TRHDE: variants seen among roughly 807,000 people sequenced by gnomAD.
TRHDE encodes the protein thyrotropin-releasing hormone-degrading ectoenzyme.
A neutral mutation model predicts 125.7 loss-of-function variants in TRHDE; 72 were observed. The observed-to-expected ratio is 0.57, with a 90% CI of 0.47 to 0.70. TRHDE has a LOEUF of 0.70. Among genes scored for constraint, TRHDE ranks in the 30% least tolerant of loss-of-function variants. TRHDE has a pLI of 0.00. For synonymous variants in TRHDE, 509 were observed against 509.1 expected, an observed-to-expected ratio of 1.00 and a Z score of 0.00; for missense variants, 1,110 against 1,327.1, an observed-to-expected ratio of 0.84 and a Z score of 2.54.
intron 2 of TRHDE, among the ~76,000 whole-genome samples, chr12:72,155,859 T>C (rs1592462336): frequency 6.6e-6 from 1 of 151,914 alleles, no homozygotes; most frequent in Non-Finnish European, 1.5e-5. Context: ...TTGAGGAGGG[T>C]CCCTTCTGTC....
intron 1 of TRHDE, among the ~76,000 whole-genome samples, chr12:72,088,944 T>C (rs751198741): frequency 6.6e-6 from 1 of 152,156 alleles, no homozygotes; most frequent in Non-Finnish European, 1.5e-5. Context: ...CAGACCCATA[T>C]ATCCACCTGC....
chr12:72,443,488 T>G (rs1000530217), intron 3 of TRHDE, among the ~76,000 whole-genome samples: 2 of 151,664 alleles, frequency 1.3e-5, no homozygotes, highest in African/African-American at 4.8e-5. Flanking sequence ...ATTAGTCACC[T>G]TTTTTTCCCT....
chr12:72,436,574 T>C (rs1874755341), intron 3 of TRHDE, among the ~76,000 whole-genome samples: 1 of 151,940 alleles, frequency 6.6e-6, no homozygotes, highest in Non-Finnish European at 1.5e-5. Flanking sequence ...TTCACAGGGT[T>C]CTTATAAGGT....
chr12:72,557,391 A>G (rs1869974079), intron 7 of TRHDE, among the ~76,000 whole-genome samples: 1 of 152,220 alleles, frequency 6.6e-6, no homozygotes, highest in Non-Finnish European at 1.5e-5. Context: ...TACTTATGAT[A>G]GGAAAGAATA....
intron 3 of TRHDE, among the ~76,000 whole-genome samples, chr12:72,387,446 T>A (rs1203741609): frequency 6.6e-6 from 1 of 152,092 alleles, no homozygotes; most frequent in Non-Finnish European, 1.5e-5. Flanking sequence ...AGTATTCGCA[T>A]TCCAACCACC....
At chr12:72,596,226 T>C (rs1487903495) in intron 12 of TRHDE, among the ~76,000 whole-genome samples, 1 of 152,174 alleles carries the variant, frequency 6.6e-6, no homozygotes. Context: ...ACTTTAGTAG[T>C]TTTGATAAAT....
intron 2 of TRHDE, among the ~76,000 whole-genome samples, chr12:72,179,586 C>T (rs944809542): frequency 6.6e-6 from 1 of 152,062 alleles, no homozygotes; most frequent in Non-Finnish European, 1.5e-5. Flanking sequence ...ATACCACTTG[C>T]TTCATGAAGC....
chr12:72,345,527 G>C (rs1870289293), intron 2 of TRHDE, among the ~76,000 whole-genome samples: 1 of 152,096 alleles, frequency 6.6e-6, no homozygotes, highest in South Asian at 2.1e-4. Context: ...CAATATAACT[G>C]ATTTAAGTTC....
intron 2 of TRHDE, among the ~76,000 whole-genome samples, chr12:72,364,060 A>G (rs1313504303): frequency 6.6e-6 from 1 of 152,134 alleles, no homozygotes; most frequent in Non-Finnish European, 1.5e-5. Flanking sequence ...AAGCCAACTT[A>G]CAAGGGACGT....
intron 12 of TRHDE, among the ~76,000 whole-genome samples, chr12:72,604,363 T>C (rs1872341099): frequency 6.6e-6 from 1 of 152,142 alleles, no homozygotes; most frequent in Non-Finnish European, 1.5e-5. Flanking sequence ...GTTTCTGTCA[T>C]TTTATCTAAA....
At chr12:72,553,793 C>T (rs571631511) in intron 7 of TRHDE, among the ~76,000 whole-genome samples, 2 of 150,568 alleles carry the variant, frequency 1.3e-5, no homozygotes, top group African/African-American at 4.9e-5. Context: ...ATTTTCTTTT[C>T]TTTCCTTTCC....
intron 2 of TRHDE, among the ~76,000 whole-genome samples, chr12:72,109,858 T>C (rs1875276869): frequency 6.6e-6 from 1 of 152,024 alleles, no homozygotes; most frequent in Non-Finnish European, 1.5e-5. Flanking sequence ...TCTATGAAAA[T>C]TGGGCTTTAC....
At chr12:72,533,779 G>A (rs1450004369) in intron 6 of TRHDE, among the ~76,000 whole-genome samples, 1 of 147,770 alleles carries the variant, frequency 6.8e-6, no homozygotes, top group Non-Finnish European at 1.5e-5. Context: ...CATTTAATGG[G>A]ACAGTATTGT....
intron 6 of TRHDE, among the ~76,000 whole-genome samples, chr12:72,517,195 AT>A: frequency 6.6e-6 from 1 of 151,182 alleles, no homozygotes; most frequent in African/African-American, 2.4e-5. Flanking sequence ...TTTTCTATTG[AT>A]TGGAATAGTT....
chr12:72,312,016 T>C (rs1203537524), intron 2 of TRHDE, among the ~76,000 whole-genome samples: 2 of 152,194 alleles, frequency 1.3e-5, no homozygotes, highest in African/African-American at 4.8e-5. Context: ...GAACAAACAC[T>C]TGCTGAGTTT....
intron 2 of TRHDE, among the ~76,000 whole-genome samples, chr12:72,246,107 A>C (rs1457920549): frequency 1.3e-5 from 2 of 152,202 alleles, no homozygotes; most frequent in Non-Finnish European, 2.9e-5. Context: ...TTTCTCAAGA[A>C]GGGATTCCTA....
intron 2 of TRHDE, among the ~76,000 whole-genome samples, chr12:72,156,493 G>C (rs1440166963): frequency 6.6e-6 from 1 of 152,148 alleles, no homozygotes; most frequent in Non-Finnish European, 1.5e-5. Flanking sequence ...CACTCATGCT[G>C]GGAGCTGTAG....
chr12:72,580,461 G>T (rs1340204616), intron 12 of TRHDE, among the ~76,000 whole-genome samples: 1 of 152,240 alleles, frequency 6.6e-6, no homozygotes, highest in African/African-American at 2.4e-5. Context: ...TGTTTTTTGA[G>T]ATGGAGTTTC....
At chr12:72,256,986 T>C (rs893320775) in intron 2 of TRHDE, 3 of 152,250 alleles carry the variant, frequency 2.0e-5, no homozygotes, top group Non-Finnish European at 2.9e-5. Context: ...TAGTTTTTTA[T>C]TGTGGGGATC....
Sources: allele counts gnomAD v4.1 joint callset (sites outside exome capture counted in the v4.1 genomes callset), GRCh38; gene constraint gnomAD v4.1.1; transcripts MANE v1.5; gene names NCBI Gene and HGNC (gene_info 2026-07-23, HGNC 2026-07-21).